The following DGKE variants were observed in gnomAD, a reference collection of about 807,000 sequenced individuals.
The protein encoded by DGKE is diacylglycerol kinase epsilon, also known as DAG kinase epsilon.
DGKE carries 53 observed loss-of-function variants against 70.0 expected under a neutral mutation model. That is an observed-to-expected ratio of 0.76 (90% CI 0.61 to 0.95). DGKE has a LOEUF of 0.95. Among genes scored for constraint, DGKE ranks in the 40% least tolerant of loss-of-function variants. The pLI is 0.00. For synonymous variants in DGKE, 291 were observed against 257.0 expected (o/e 1.13, Z -1.27); for missense variants, 655 against 706.9 (o/e 0.93, Z 0.83).
intron 7 of DGKE, among the ~76,000 whole-genome samples, chr17:56,855,837 C>T (rs1907908082): frequency 6.6e-6 from 1 of 151,976 alleles, no homozygotes; most frequent in African/African-American, 2.4e-5. Context: ...AACCCCATCT[C>T]TACTAAAAAT....
intron 2 of DGKE, among the ~76,000 whole-genome samples, chr17:56,837,224 TC>T (rs1906685245): frequency 6.6e-6 from 1 of 152,178 alleles, no homozygotes; most frequent in Admixed American, 6.5e-5. Context: ...GTTTTTTTTT[TC>T]TGGCAACCCT....
At chr17:56,845,870 A>T (rs531946430) in intron 4 of DGKE, 61 bp downstream of exon 4, 2 of 1,481,386 alleles carry the variant, frequency 1.4e-6, no homozygotes, top group Non-Finnish European at 1.8e-6. Flanking sequence ...TGCAATGATT[A>T]TTAATGCTTC....
At chr17:56,862,363 C>T in intron 11 of DGKE, 112 bp downstream of exon 11, 1 of 1,035,488 alleles carries the variant, frequency 9.7e-7, no homozygotes, top group Non-Finnish European at 1.4e-6. Flanking sequence ...ATGGCTCATG[C>T]AGCTGGTCAC....
Position 56,845,732 on chromosome 17 carries a change from C to T in DGKE, c.667C>T (p.Leu223=), listed in dbSNP as rs1248299875. 3 of 1,612,228 alleles carry T rather than the reference C, an allele frequency of 1.9e-6. No individual in the cohort carries two copies. The highest frequency in any genetic ancestry group is 1.7e-6 in the Non-Finnish European group (2 of 1,179,116). Residue 223 remains leucine, a synonymous_variant, in exon 4 of 12, where the codon CTG becomes TTG. Transcript: ENST00000284061. ...AAAGCAGTGGACCCCATTAATAATCCTGGCCAACTCTCGTAGTGGAACTAA... is the reference window on the plus strand; with the variant it reads ...AAAGCAGTGGACCCCATTAATAATCTTGGCCAACTCTCGTAGTGGAACTAA... The part of the protein sequence containing the change: ...LGKQWTPLII[L]ANSRSGTNMG...
At chr17:56,858,792 G>A in intron 9 of DGKE, 127 bp downstream of exon 9, 2 of 633,738 alleles carry the variant, frequency 3.2e-6, no homozygotes, top group South Asian at 2.4e-5. Flanking sequence ...TTATTTGTGT[G>A]CCAGGCACTT....
intron 7 of DGKE, among the ~76,000 whole-genome samples, chr17:56,853,372 G>T (rs926116097): frequency 6.6e-6 from 1 of 152,092 alleles, no homozygotes; most frequent in African/African-American, 2.4e-5. Context: ...ACAAATAACT[G>T]CCCAGGCCAA....
intron 3 of DGKE, among the ~76,000 whole-genome samples, chr17:56,844,999 A>C (rs1907198857): frequency 6.6e-6 from 1 of 152,188 alleles, no homozygotes; most frequent in Non-Finnish European, 1.5e-5. Context: ...TAAATTTTTC[A>C]AACAATATTG....
chr17:56,847,006 C>G (rs948359424), intron 4 of DGKE, among the ~76,000 whole-genome samples: 2 of 152,066 alleles, frequency 1.3e-5, no homozygotes, highest in African/African-American at 4.8e-5. Context: ...CATTATTTAT[C>G]CAGTCTCTAC....
intron 2 of DGKE, among the ~76,000 whole-genome samples, chr17:56,842,404 A>G (rs1907044313): frequency 6.6e-6 from 1 of 152,222 alleles, no homozygotes; most frequent in Admixed American, 6.5e-5. Flanking sequence ...AGAGGAAACC[A>G]TTATGAAATA....
intron 7 of DGKE, among the ~76,000 whole-genome samples, chr17:56,852,376 GTACTC>G (rs1907704407): frequency 6.6e-6 from 1 of 150,510 alleles, no homozygotes; most frequent in Non-Finnish European, 1.5e-5. Context: ...TCACGCCACT[GTACTC>G]TACCCTGGGC....
chr17:56,835,149 G>GGT lies in DGKE; in HGVS notation c.355_356dup (p.Leu120SerfsTer50). On this transcript the variant is annotated frameshift_variant, in exon 2 of 12. Transcript: ENST00000284061. LOFTEE classifies it high-confidence loss of function. ...AGATTATGCTCAAGAATGACACCAA[G>GGT]GTCCTGGACGCCATGCCCCACCACT... 6.2e-7 allele frequency: 1 copy of GGT among 1,614,086 alleles called. No individual in the cohort carries two copies. Among genetic ancestry groups the GGT allele is most frequent in the Non-Finnish European group, 8.5e-7 (1 of 1,180,046 alleles).
chr17:56,849,032 A>G lies in DGKE; in HGVS notation c.1047-149A>G, dbSNP rs958043719. ...TGTAAGAGCCGAAGTAATAAGTTAC[A>G]CTGAGTACTTATCCCTAAATTTGCA... On this transcript the variant is annotated intron_variant, in intron 6 of 11. Transcript: ENST00000284061. The G allele has an allele frequency of 5.1e-5, 58 of 1,146,432 alleles. 1 individual carries two copies. The East Asian group carries it at 1.4e-3, about 27-fold the overall frequency. The allele number at this position is 1,146,432 out of a possible 1,614,324, so 71.0% of individuals were successfully genotyped here. A position where few individuals can be genotyped will look rare whatever the true frequency, so the allele number is the denominator to read the frequency against.
rs1450826786 is a variant in DGKE, at chr17:56,849,060, C to T, written c.1047-121C>T. On this transcript the variant is annotated intron_variant, in intron 6 of 11. Coordinates refer to ENST00000284061, the MANE Select transcript of DGKE (RefSeq NM_003647.3). ...GAGTACTTATCCCTAAATTTGCATG[C>T]TCATATACGTGTGGTTACTTTTGTA... 4.2e-6 allele frequency: 5 copies of T among 1,196,988 alleles called. No homozygotes were observed. In the Admixed American group the frequency reaches 1.3e-4, roughly 30 times the overall value. The allele number at this position is 1,196,988 out of a possible 1,614,324, so 74.1% of individuals were successfully genotyped here.
chr17:56,868,048 A>G lies in DGKE; in HGVS notation c.*5257A>G, dbSNP rs974522518. ...ACACAGAATGCACTAAACAGGAAAT[A>G]AGCTGTAATCTAGAGAATTTCCATT... is the stretch of plus-strand genomic sequence containing the variant. On this transcript the variant is annotated 3_prime_UTR_variant, in exon 12 of 12. Coordinates refer to ENST00000284061, the MANE Select transcript of DGKE (RefSeq NM_003647.3). The G allele has an allele frequency of 1.3e-5, 2 of 152,386 alleles. No homozygotes were observed. The highest frequency in any genetic ancestry group is 2.1e-4 in the South Asian group (1 of 4,826). The allele number at this position is 152,386 out of a possible 1,614,324, so 9.4% of individuals were successfully genotyped here.
Position 56,864,191 on chromosome 17 carries a change from G to A in DGKE, c.*1400G>A, listed in dbSNP as rs1042017884. On this transcript the variant is annotated 3_prime_UTR_variant, in exon 12 of 12. Transcript: ENST00000284061. The stretch of plus-strand genomic sequence containing the variant: ...ACCAGCCCAAGGGTCGTGACCCACA[G>A]GTCGGCTGACCCAGAGGGCATCCAG... The A allele has an allele frequency of 6.6e-6, 1 of 152,222 alleles. No homozygotes were observed. The highest frequency in any genetic ancestry group is 6.5e-5 in the Admixed American group (1 of 15,280). 9.4% of individuals were successfully genotyped at this position (152,222 alleles called of 1,614,324 possible). A position where few individuals can be genotyped will look rare whatever the true frequency, so the allele number is the denominator to read the frequency against.
chr17:56,834,993 C>G lies in DGKE; in HGVS notation c.198C>G (p.Asp66Glu). The change falls in exon 2 of 12, where the codon GAC becomes GAG. Residue 66 changes from aspartate to glutamate, a missense_variant. Physicochemically the swap from Asp to Glu is conservative, Grantham distance 45. Transcript: ENST00000284061. The stretch of plus-strand genomic sequence containing the variant: ...GCAAGCACGGGTGGCGCGACACGGA[C>G]CTGTTCAGCCAGCCCACCTACTGCT... Reference protein sequence around the residue: ...RKSKHGWRDTDLFSQPTYCCV... With the variant: ...RKSKHGWRDTELFSQPTYCCV... The G allele has an allele frequency of 6.2e-7, 1 of 1,612,768 alleles. No individual in the cohort carries two copies. The highest frequency in any genetic ancestry group is 8.5e-7 in the Non-Finnish European group (1 of 1,179,988).
chr17:56,862,244 C>A lies in DGKE; in HGVS notation c.1517C>A (p.Thr506Lys), dbSNP rs899909594. ...CCTTTTCGAATAGGACAGGCACATA[C>A]AGTGAGGGTAGGTGAAATATAGCTG... ...ANPFRIGQAH[T>K]VRLILKCSMM... Residue 506 changes from threonine to lysine, a missense_variant, in exon 11 of 12, where the codon ACA (threonine) becomes AAA (lysine). Coordinates refer to ENST00000284061, the MANE Select transcript of DGKE (RefSeq NM_003647.3). 10 of 1,613,388 alleles carry A rather than the reference C, an allele frequency of 6.2e-6. No individual in the cohort carries two copies. The African/African-American group carries it at 1.1e-4, about 17-fold the overall frequency.
intron 3 of DGKE, 82 bp from the exon 4 acceptor site, chr17:56,845,608 G>A: frequency 7.2e-7 from 1 of 1,385,906 alleles, no homozygotes; most frequent in Non-Finnish European, 9.6e-7. Context: ...GCAAATTATA[G>A]CACCATTGTT....
intron 11 of DGKE, 44 bp downstream of exon 11, chr17:56,862,295 A>G (rs1279883203): frequency 3.2e-6 from 5 of 1,539,088 alleles, no homozygotes; most frequent in Non-Finnish European, 4.5e-6. Flanking sequence ...TCCCAATCCA[A>G]TTCTAAGCTG....
Sources: allele counts gnomAD v4.1 joint callset (sites outside exome capture counted in the v4.1 genomes callset), GRCh38; gene constraint gnomAD v4.1.1; transcripts MANE v1.5; gene names NCBI Gene and HGNC (gene_info 2026-07-23, HGNC 2026-07-21).